Variants in CNOT4 observed in about 807,000 individuals in gnomAD.
The protein encoded by CNOT4 is CCR4-NOT transcription complex subunit 4.
Under a neutral mutation model 73.8 loss-of-function variants are expected in CNOT4, and 8 were observed. The ratio of observed to expected loss-of-function variants is 0.11; its 90% CI spans 0.06 to 0.20. The LOEUF (loss-of-function observed/expected upper bound fraction) is 0.20, where lower values mean the gene tolerates loss of function less well. Ranked by LOEUF, CNOT4 falls within the 10% of genes least tolerant of loss-of-function variation. CNOT4 has a pLI of 1.00. For missense variants in CNOT4, 564 were observed against 883.4 expected, an observed-to-expected ratio of 0.64 and a Z score of 4.58; for synonymous variants, 293 against 321.1, an observed-to-expected ratio of 0.91 and a Z score of 0.94.
intron 4 of CNOT4, 124 bp from the exon 5 acceptor site, chr7:135,414,556 G>A (rs1374293441): frequency 1.8e-6 from 1 of 545,870 alleles, no homozygotes; most frequent in African/African-American, 1.9e-5. Context: ...ACAATAATTA[G>A]TAGTAGTAGT....
chr7:135,457,388 T>C (rs1365731757), intron 1 of CNOT4, among the ~76,000 whole-genome samples: 1 of 152,072 alleles, frequency 6.6e-6, no homozygotes, highest in Non-Finnish European at 1.5e-5. Flanking sequence ...AAAATCTGTA[T>C]CTGAAAGTAA....
At chr7:135,417,204 G>T (rs768644901) in intron 3 of CNOT4, among the ~76,000 whole-genome samples, 1 of 152,050 alleles carries the variant, frequency 6.6e-6, no homozygotes, top group Admixed American at 6.6e-5. Flanking sequence ...ATTCTTCAAT[G>T]ATCTAGTTAA....
In CNOT4 at chr7:135,395,888, A is replaced by C; in HGVS notation, c.880-5T>G. Reference sequence around the variant, plus strand: ...AGGCGTATCACTGTTAGATATCTGAATAAAAAAGGAAAACAAATAATAACT... The same window carrying C: ...AGGCGTATCACTGTTAGATATCTGACTAAAAAAGGAAAACAAATAATAACT... On this transcript the variant is annotated splice_polypyrimidine_tract_variant and splice_region_variant and intron_variant, in intron 8 of 11. Transcript: ENST00000541284. 1 of 1,593,476 alleles carries C rather than the reference A, an allele frequency of 6.3e-7. No homozygotes were observed.
intron 1 of CNOT4, among the ~76,000 whole-genome samples, chr7:135,467,516 G>A (rs1423681497): frequency 6.6e-6 from 1 of 151,960 alleles, no homozygotes; most frequent in Non-Finnish European, 1.5e-5. Flanking sequence ...TTCAAAACCA[G>A]CCTGGACAAT....
intron 1 of CNOT4, among the ~76,000 whole-genome samples, chr7:135,474,227 C>T (rs1801839147): frequency 6.6e-6 from 1 of 151,290 alleles, no homozygotes; most frequent in Admixed American, 6.6e-5. Context: ...ATGCACCTGC[C>T]TCAGCCTCCC....
rs76607922 is a variant in CNOT4 at position 135,377,646 on chromosome 7, A to G, written c.1628-13580T>C. ...ATCTTTTCCAGACCTATACATACAT[A>G]TGATACTCCAGAGTTTCAAAAGACC... On this transcript the variant is annotated intron_variant, in intron 10 of 11. Transcript: ENST00000541284. 2.2e-3 allele frequency among the ~76,000 whole-genome samples: 341 copies of G among 152,328 alleles called. 12 individuals are homozygous for G. In the East Asian group the frequency reaches 0.054, roughly 24 times the overall value.
chr7:135,455,698 A>AAC (rs1800482819), intron 1 of CNOT4, among the ~76,000 whole-genome samples: 1 of 152,046 alleles, frequency 6.6e-6, no homozygotes, highest in African/African-American at 2.4e-5. Flanking sequence ...AACATGCTGA[A>AAC]ACCCTATCTC....
At chr7:135,442,182 A>G (rs1799518089) in intron 1 of CNOT4, among the ~76,000 whole-genome samples, 1 of 152,254 alleles carries the variant, frequency 6.6e-6, no homozygotes, top group African/African-American at 2.4e-5. Context: ...AATGTATTAT[A>G]GTACCCCTCT....
intron 10 of CNOT4, among the ~76,000 whole-genome samples, chr7:135,365,674 T>C (rs897815114): frequency 1.3e-5 from 2 of 152,074 alleles, no homozygotes; most frequent in Admixed American, 6.6e-5. Context: ...GGGTCAAATA[T>C]TAAAGGGAAA....
chr7:135,444,522 C>T, intron 1 of CNOT4: 1 of 1,093,136 alleles, frequency 9.1e-7, no homozygotes, highest in Non-Finnish European at 1.4e-6. Flanking sequence ...GCTGTGAACG[C>T]CAGTGGTCAG....
Position 135,465,976 on chromosome 7 carries a change from G to C in CNOT4, c.-92-27553C>G, listed in dbSNP as rs376859474. On this transcript the variant is annotated intron_variant, in intron 1 of 11. Transcript: ENST00000541284. ...AGGCAGGAGAATCGCTTGAACCTGGGAGGCAGAGGTTGCAGTGAGTTGAGA... is the reference window on the plus strand; with the variant it reads ...AGGCAGGAGAATCGCTTGAACCTGGCAGGCAGAGGTTGCAGTGAGTTGAGA... Among the ~76,000 whole-genome samples, 378 of 151,738 alleles carry C rather than the reference G, an allele frequency of 2.5e-3. 3 individuals carry two copies. The highest frequency in any genetic ancestry group is 8.5e-3 in the African/African-American group (353 of 41,374).
chr7:135,497,748 G>C (rs1803680220), intron 1 of CNOT4, among the ~76,000 whole-genome samples: 1 of 152,128 alleles, frequency 6.6e-6, no homozygotes, highest in Non-Finnish European at 1.5e-5. Context: ...TATCCATACA[G>C]GTTCATTTTC....
At chr7:135,427,388 ATTCTTTTTCTGAT>A (rs1222381469) in intron 2 of CNOT4, among the ~76,000 whole-genome samples, 3 of 151,740 alleles carry the variant, frequency 2.0e-5, no homozygotes, top group Non-Finnish European at 2.9e-5. Context: ...CCCAGGGCTT[ATTCTTTTTCTGAT>A]TTCTTTTTCT....
At chr7:135,426,382 CA>C (rs1246869060) in intron 2 of CNOT4, among the ~76,000 whole-genome samples, 1 of 151,976 alleles carries the variant, frequency 6.6e-6, no homozygotes, top group African/African-American at 2.4e-5. Flanking sequence ...GCGGGCGGAC[CA>C]CAAGGTCAGG....
At chr7:135,415,338 C>T (rs1797806048) in intron 3 of CNOT4, 76 bp from the exon 4 acceptor site, 4 of 699,702 alleles carry the variant, frequency 5.7e-6, no homozygotes, top group Non-Finnish European at 9.7e-6. Flanking sequence ...AGACATTCAT[C>T]ATCCCTCTTC....
Position 135,471,250 on chromosome 7 carries a change from C to A in CNOT4, c.-92-32827G>T, listed in dbSNP as rs146994379. On this transcript the variant is annotated intron_variant, in intron 1 of 11. Transcript: ENST00000541284. ...AGAAGACTGGGAGACAGTATGGAAACAGAGATAAGAGATTCTGATTAAAAA... is the reference window on the plus strand; with the variant it reads ...AGAAGACTGGGAGACAGTATGGAAAAAGAGATAAGAGATTCTGATTAAAAA... 3.2e-3 allele frequency among the ~76,000 whole-genome samples: 487 copies of A among 151,538 alleles called. 3 individuals are homozygous for A. The highest frequency in any genetic ancestry group is 0.013 in the East Asian group (68 of 5,146).
At chr7:135,447,908 A>G (rs763543028) in intron 1 of CNOT4, among the ~76,000 whole-genome samples, 23 of 152,188 alleles carry the variant, frequency 1.5e-4, no homozygotes, top group African/African-American at 2.9e-4. Context: ...GTATTGTTAA[A>G]GACAATAGAG....
chr7:135,429,271 C>T (rs1338471901), intron 2 of CNOT4, among the ~76,000 whole-genome samples: 4 of 152,128 alleles, frequency 2.6e-5, no homozygotes, highest in South Asian at 2.1e-4. Context: ...CTATGATTTC[C>T]ATTTGCCCAC....
At chr7:135,397,206 A>G in intron 8 of CNOT4, among the ~76,000 whole-genome samples, 1 of 152,298 alleles carries the variant, frequency 6.6e-6, no homozygotes, top group Non-Finnish European at 1.5e-5. Context: ...AGAAAAAAAT[A>G]ATGTAAAACT....
Sources: gnomAD v4.1 joint callset for allele counts (sites outside exome capture counted in the v4.1 genomes callset) on GRCh38, gnomAD v4.1.1 for gene constraint, MANE v1.5 for transcripts, NCBI Gene and HGNC (gene_info 2026-07-23, HGNC 2026-07-21) for gene names.